Variants in LPAR1 observed in about 807,000 individuals in gnomAD.
LPAR1 encodes the protein LPA receptor 1.
A neutral mutation model predicts 23.8 loss-of-function variants in LPAR1; 5 were observed. That is an observed-to-expected ratio of 0.21 (90% CI 0.11 to 0.44). The LOEUF is 0.44. LPAR1 is among the 20% of genes least tolerant of loss of function. The pLI is 0.99. For missense variants in LPAR1, 311 were observed against 482.8 expected, an observed-to-expected ratio of 0.64 and a Z score of 3.33; for synonymous variants, 160 against 164.7, an observed-to-expected ratio of 0.97 and a Z score of 0.22.
At chr9:110,979,060 C>A (rs975171181) in intron 2 of LPAR1, among the ~76,000 whole-genome samples, 2 of 151,964 alleles carry the variant, frequency 1.3e-5, no homozygotes, top group African/African-American at 4.8e-5. Flanking sequence ...ACATGGTATT[C>A]TTGGAAAATG....
At chr9:110,956,318 C>T (rs2095747891) in intron 4 of LPAR1, among the ~76,000 whole-genome samples, 1 of 151,912 alleles carries the variant, frequency 6.6e-6, no homozygotes, top group Non-Finnish European at 1.5e-5. Flanking sequence ...AGCAAACCAC[C>T]ATAGCATGTG....
chr9:110,984,560 T>TA (rs1268969227), intron 2 of LPAR1, among the ~76,000 whole-genome samples: 1 of 152,116 alleles, frequency 6.6e-6, no homozygotes, highest in Non-Finnish European at 1.5e-5. Flanking sequence ...ACCTCTTCAA[T>TA]ATGCTGATTT....
intron 4 of LPAR1, among the ~76,000 whole-genome samples, chr9:110,945,562 T>C (rs2136323038): frequency 6.6e-6 from 1 of 152,248 alleles, no homozygotes; most frequent in South Asian, 2.1e-4. Context: ...AGTAAAAACA[T>C]CACAAAAATA....
At chr9:110,943,632 G>A (rs976278100) in intron 4 of LPAR1, among the ~76,000 whole-genome samples, 1 of 152,034 alleles carries the variant, frequency 6.6e-6, no homozygotes, top group Admixed American at 6.6e-5. Context: ...GGCCAAAGTG[G>A]GTGGATCACT....
At chr9:110,963,672 A>T (rs578188671) in intron 4 of LPAR1, among the ~76,000 whole-genome samples, 20 of 150,186 alleles carry the variant, frequency 1.3e-4, no homozygotes, top group South Asian at 2.1e-4. Context: ...AATAAAATTT[A>T]AAAAAAAAAG....
intron 4 of LPAR1, among the ~76,000 whole-genome samples, chr9:110,950,850 CA>C (rs2095547257): frequency 6.6e-6 from 1 of 152,038 alleles, no homozygotes; most frequent in Non-Finnish European, 1.5e-5. Context: ...ATTAAAATCC[CA>C]AAAGGGTTTC....
intron 4 of LPAR1, among the ~76,000 whole-genome samples, chr9:110,969,434 G>A (rs955617118): frequency 2.0e-5 from 3 of 151,982 alleles, no homozygotes; most frequent in Non-Finnish European, 2.9e-5. Context: ...AATAGTGGTC[G>A]GGCGCAGTGG....
chr9:110,896,122 C>T (rs902938935), intron 5 of LPAR1, among the ~76,000 whole-genome samples: 3 of 152,158 alleles, frequency 2.0e-5, no homozygotes, highest in African/African-American at 7.2e-5. Context: ...TGTACTTGCT[C>T]CATTTAATCC....
intron 2 of LPAR1, among the ~76,000 whole-genome samples, chr9:110,989,561 A>G (rs1377177967): frequency 3.9e-5 from 6 of 152,182 alleles, no homozygotes; most frequent in Non-Finnish European, 8.8e-5. Context: ...AAAGTTGCCT[A>G]CAATAAATTA....
At chr9:111,012,650 T>A (rs911328135) in intron 2 of LPAR1, among the ~76,000 whole-genome samples, 3 of 152,002 alleles carry the variant, frequency 2.0e-5, no homozygotes, top group African/African-American at 7.3e-5. Context: ...ATATCTGGGA[T>A]GTGGTAGGAG....
chr9:111,023,881 A>G (rs762972290), intron 2 of LPAR1, among the ~76,000 whole-genome samples: 2 of 152,256 alleles, frequency 1.3e-5, no homozygotes, highest in Non-Finnish European at 2.9e-5. Flanking sequence ...ATGTATGGAC[A>G]AACATTTCTA....
At chr9:110,949,320 C>A (rs2095495808) in intron 4 of LPAR1, among the ~76,000 whole-genome samples, 1 of 152,302 alleles carries the variant, frequency 6.6e-6, no homozygotes, top group Non-Finnish European at 1.5e-5. Context: ...CAGTTCACAG[C>A]AGGATTAGAC....
chr9:110,933,783 C>A (rs2094532720), intron 5 of LPAR1, among the ~76,000 whole-genome samples: 1 of 152,178 alleles, frequency 6.6e-6, no homozygotes, highest in African/African-American at 2.4e-5. Flanking sequence ...CTCAACAGAC[C>A]TAAAATAAGA....
intron 1 of LPAR1, chr9:111,037,847 C>T (rs2097922188): frequency 6.6e-6 from 1 of 152,226 alleles, no homozygotes; most frequent in Admixed American, 6.5e-5. Context: ...TGACCTGGCG[C>T]GGGACAGGAG....
chr9:110,884,990 A>C (rs1001115), intron 5 of LPAR1, among the ~76,000 whole-genome samples: 1,649 of 152,250 alleles, frequency 0.011, 22 homozygotes, highest in Middle Eastern at 0.027. Flanking sequence ...ATTTTTAGCT[A>C]TATCCATTTC....
At chr9:111,018,760 A>G (rs1237988478) in intron 2 of LPAR1, among the ~76,000 whole-genome samples, 1 of 152,230 alleles carries the variant, frequency 6.6e-6, no homozygotes, top group East Asian at 1.9e-4. Context: ...AAACCAAATG[A>G]TATTACTTTC....
At chr9:110,942,443 A>G (rs769052215) in intron 4 of LPAR1, among the ~76,000 whole-genome samples, 1 of 152,238 alleles carries the variant, frequency 6.6e-6, no homozygotes, top group African/African-American at 2.4e-5. Context: ...CAAAAGCCAC[A>G]TGGCCAAGAA....
At position 110,937,846 on chromosome 9, in the gene LPAR1, A is replaced by C. The variant is rs142585985; in HGVS notation, c.793+3575T>G. Among the ~76,000 whole-genome samples, 419 of 152,358 alleles carry C rather than the reference A, an allele frequency of 2.8e-3. 3 individuals carry two copies. Among genetic ancestry groups the C allele is most frequent in the African/African-American group, 9.4e-3 (392 of 41,596 alleles). ...TTTGATGAAGTGAAAATGGAAACTG[A>C]GTAATCATTCCCAGAATAAATGGAA... On this transcript the variant is annotated intron_variant, in intron 5 of 5. Coordinates refer to ENST00000683809, the MANE Select transcript of LPAR1 (RefSeq NM_001351411.2).
intron 2 of LPAR1, among the ~76,000 whole-genome samples, chr9:110,989,740 A>C (rs1046276076): frequency 3.3e-5 from 5 of 152,162 alleles, no homozygotes; most frequent in African/African-American, 1.2e-4. Context: ...ACCATATGAA[A>C]ACACATATAT....
Sources: allele counts gnomAD v4.1 joint callset (sites outside exome capture counted in the v4.1 genomes callset), GRCh38; gene constraint gnomAD v4.1.1; transcripts MANE v1.5; gene names NCBI Gene and HGNC (gene_info 2026-07-23, HGNC 2026-07-21).